Variants in CXADR observed in about 807,000 individuals in gnomAD.
CXADR encodes the protein coxsackievirus and adenovirus receptor.
Under a neutral mutation model 40.3 loss-of-function variants are expected in CXADR, and 20 were observed. That is an observed-to-expected ratio of 0.50 (90% CI 0.35 to 0.72). CXADR has a LOEUF of 0.72. CXADR is among the 30% of genes least tolerant of loss of function. The probability of loss-of-function intolerance (pLI) is 0.01; values close to 1 mark genes in which losing one functional copy is unlikely to be tolerated. For synonymous variants in CXADR, 150 were observed against 161.3 expected (o/e 0.93, Z 0.53); for missense variants, 332 against 449.1 (o/e 0.74, Z 2.36).
intron 7 of CXADR, among the ~76,000 whole-genome samples, chr21:17,582,437 C>T (rs1466005637): frequency 2.0e-5 from 3 of 148,200 alleles, no homozygotes; most frequent in Non-Finnish European, 3.0e-5. Flanking sequence ...TTCCTAAGTC[C>T]CACAGAGAAG....
intron 7 of CXADR, among the ~76,000 whole-genome samples, chr21:17,591,371 T>G (rs2061433445): frequency 6.6e-6 from 1 of 152,046 alleles, no homozygotes; most frequent in African/African-American, 2.4e-5. Flanking sequence ...ATGGACAGAA[T>G]GGCTACACAA....
chr21:17,617,949 T>G, the CXADR span, among the ~76,000 whole-genome samples: 1 of 152,262 alleles, frequency 6.6e-6, no homozygotes, highest in African/African-American at 2.4e-5. Flanking sequence ...GTCCATCTTC[T>G]CAAACCCTGC....
At chr21:17,594,429 C>T, downstream of CXADR, 1 of 1,391,674 alleles carries the variant, frequency 7.2e-7, no homozygotes, top group Non-Finnish European at 9.8e-7. Context: ...ACCCACAACA[C>T]TGAGATCACA....
At chr21:17,597,385 G>C (rs1023215187), downstream of CXADR, among the ~76,000 whole-genome samples, 1 of 150,892 alleles carries the variant, frequency 6.6e-6, no homozygotes, top group Non-Finnish European at 1.5e-5. Flanking sequence ...CCATCACACA[G>C]AGAAAAAAAA....
chr21:17,526,048 GT>G (rs1486999272), intron 1 of CXADR, among the ~76,000 whole-genome samples: 1 of 152,206 alleles, frequency 6.6e-6, no homozygotes, highest in East Asian at 1.9e-4. Context: ...ATATTAAAAT[GT>G]TTTTCGTACT....
In CXADR at chr21:17,568,437, A is replaced by G. The variant is rs1434798091; in HGVS notation, c.*2745A>G. On this transcript the variant is annotated 3_prime_UTR_variant, in exon 7 of 7. Coordinates refer to ENST00000284878, the MANE Select transcript of CXADR (RefSeq NM_001338.5). ...ACCACTGCACCCGGCCCAGTACTGC[A>G]TCTTAACAGCAAAGCCATTTTATTC... The G allele has an allele frequency of 3.0e-6, 3 of 984,884 alleles. No individual in the cohort carries two copies. The highest frequency in any genetic ancestry group is 5.2e-4 in the Middle Eastern group (1 of 1,936). The allele number at this position is 984,884 out of a possible 1,614,324, so 61.0% of individuals were successfully genotyped here.
chr21:17,593,912 C>G, downstream of CXADR: 2 of 767,026 alleles, frequency 2.6e-6, no homozygotes, highest in Non-Finnish European at 3.9e-6. Context: ...CAAACTATAT[C>G]AATATCTAAA....
At chr21:17,594,722 T>A (rs1362431914), downstream of CXADR, among the ~76,000 whole-genome samples, 1 of 152,052 alleles carries the variant, frequency 6.6e-6, no homozygotes, top group Non-Finnish European at 1.5e-5. Flanking sequence ...GAGGCCATTA[T>A]CCTTAGCAAA....
At chr21:17,606,432 A>T in the CXADR span, among the ~76,000 whole-genome samples, 1 of 152,300 alleles carries the variant, frequency 6.6e-6, no homozygotes, top group East Asian at 1.9e-4. Context: ...TATGTAAAAT[A>T]CTGCTTAGTC....
At chr21:17,612,811 C>T in the CXADR span, 1 of 152,180 alleles carries the variant, frequency 6.6e-6, no homozygotes, top group Non-Finnish European at 1.5e-5. Flanking sequence ...GGGAGCGCAG[C>T]GAGCCTCGTC....
At chr21:17,561,740 T>A (rs1271790115) in intron 6 of CXADR, among the ~76,000 whole-genome samples, 2 of 152,138 alleles carry the variant, frequency 1.3e-5, no homozygotes, top group Non-Finnish European at 1.5e-5. Flanking sequence ...ACTGCCTGCT[T>A]CTTGAGAAGA....
At chr21:17,613,896 TAAG>T in the CXADR span, 1 of 152,198 alleles carries the variant, frequency 6.6e-6, no homozygotes, top group Admixed American at 6.5e-5. Context: ...GTAAACTACT[TAAG>T]AACTGAATGT....
the CXADR span, chr21:17,614,046 T>A: frequency 6.6e-6 from 1 of 152,016 alleles, no homozygotes; most frequent in African/African-American, 2.4e-5. Flanking sequence ...AAAATGGTAA[T>A]TTTTTTAGCA....
chr21:17,515,828 A>C (rs897241004), intron 1 of CXADR, among the ~76,000 whole-genome samples: 6 of 152,202 alleles, frequency 3.9e-5, no homozygotes, highest in Admixed American at 2.6e-4. Flanking sequence ...ACAAAAAAAA[A>C]GGCATTGTTA....
chr21:17,515,400 A>G (rs2060447441), intron 1 of CXADR, among the ~76,000 whole-genome samples: 1 of 152,016 alleles, frequency 6.6e-6, no homozygotes, highest in Non-Finnish European at 1.5e-5. Flanking sequence ...GAGGTCTAAG[A>G]TCATGACGCT....
the CXADR span, among the ~76,000 whole-genome samples, chr21:17,619,655 G>T: frequency 6.6e-6 from 1 of 151,538 alleles, no homozygotes; most frequent in African/African-American, 2.4e-5. Flanking sequence ...GTGAGGCATT[G>T]ACTTCTCTCC....
intron 7 of CXADR, among the ~76,000 whole-genome samples, chr21:17,591,590 A>G (rs2061435129): frequency 6.7e-6 from 1 of 149,664 alleles, no homozygotes; most frequent in Non-Finnish European, 1.5e-5. Context: ...TTAATGTGAT[A>G]GAACTTACTA....
chr21:17,534,069 T>TAC (rs1207362856), intron 1 of CXADR, among the ~76,000 whole-genome samples: 5 of 99,576 alleles, frequency 5.0e-5, no homozygotes, highest in African/African-American at 1.2e-4. Context: ...GCTATATATA[T>TAC]ACACACACAC....
At chr21:17,570,996 C>CAGT (rs1446349527), downstream of CXADR, among the ~76,000 whole-genome samples, 1 of 152,184 alleles carries the variant, frequency 6.6e-6, no homozygotes, top group East Asian at 1.9e-4. Context: ...CGCTGGATAT[C>CAGT]AGTAGCACCC....
Sources: allele counts gnomAD v4.1 joint callset (sites outside exome capture counted in the v4.1 genomes callset), GRCh38; gene constraint gnomAD v4.1.1; transcripts MANE v1.5; gene names NCBI Gene and HGNC (gene_info 2026-07-23, HGNC 2026-07-21).